The following CHIC2 variants were observed in gnomAD, a reference collection of about 807,000 sequenced individuals.
CHIC2 encodes cysteine-rich hydrophobic domain-containing protein 2.
CHIC2 carries 14 observed loss-of-function variants against 25.9 expected under a neutral mutation model. That is an observed-to-expected ratio of 0.54 (90% confidence interval 0.36 to 0.85). The LOEUF (loss-of-function observed/expected upper bound fraction) is 0.85. CHIC2 is among the 40% of genes least tolerant of loss of function. The pLI, the probability that CHIC2 is intolerant of heterozygous loss-of-function variation, is 0.01. For synonymous variants in CHIC2, 70 were observed against 72.0 expected (o/e 0.97, Z 0.14); for missense variants, 146 against 202.0 (o/e 0.72, Z 1.68).
chr4:54,086,037 T>A, the CHIC2 span, among the ~76,000 whole-genome samples: 3 of 152,086 alleles, frequency 2.0e-5, no homozygotes, highest in Non-Finnish European at 4.4e-5. Flanking sequence ...TGCAGTCCTG[T>A]ATACAGGTAA....
intron 3 of CHIC2, among the ~76,000 whole-genome samples, chr4:54,036,687 C>G (rs978181349): frequency 2.0e-5 from 3 of 152,034 alleles, no homozygotes; most frequent in African/African-American, 7.2e-5. Context: ...TGTAGCAGAA[C>G]AGAATCTATC....
intron 3 of CHIC2, among the ~76,000 whole-genome samples, chr4:54,030,069 T>TA (rs1425636213): frequency 6.6e-6 from 1 of 151,938 alleles, no homozygotes; most frequent in Non-Finnish European, 1.5e-5. Flanking sequence ...TAAAAAAAAA[T>TA]ACAGTGAACT....
chr4:54,019,416 T>C (rs1715832594), intron 3 of CHIC2, among the ~76,000 whole-genome samples: 2 of 152,152 alleles, frequency 1.3e-5, no homozygotes, highest in African/African-American at 2.4e-5. Context: ...TATTTTTAGA[T>C]AGAAATACGC....
chr4:54,064,588 G>A lies in CHIC2; in HGVS notation c.-288C>T. ...AGACGCCGCTGCCGCCGCCGCAGCA[G>A]CAGCAACTCAGGAAACCACAGCAAC... On this transcript the variant is annotated 5_prime_UTR_variant, in exon 1 of 6. Transcript: ENST00000263921. The surrounding 1 kb of genome is among the most constrained non-coding windows in gnomAD (Gnocchi z 4.2). The A allele has an allele frequency of 2.4e-6, 3 of 1,245,518 alleles. No individual in the cohort carries two copies. Among genetic ancestry groups the A allele is most frequent in the Non-Finnish European group, 3.0e-6 (3 of 992,526 alleles). The allele number at this position is 1,245,518 out of a possible 1,614,324, so 77.2% of individuals were successfully genotyped here. A position where few individuals can be genotyped will look rare whatever the true frequency, so the allele number is the denominator to read the frequency against.
the CHIC2 span, among the ~76,000 whole-genome samples, chr4:54,072,940 C>T: frequency 5.3e-5 from 8 of 152,046 alleles, no homozygotes; most frequent in Admixed American, 5.2e-4. Flanking sequence ...GGCATGGTGG[C>T]GGGCGCCTAT....
At chr4:54,014,203 A>G in intron 3 of CHIC2, 84 bp from the exon 4 acceptor site, 1 of 1,098,438 alleles carries the variant, frequency 9.1e-7, no homozygotes, top group Non-Finnish European at 1.4e-6. Context: ...TGAAAAGGGG[A>G]GAGGTATAAG....
At position 54,027,448 on chromosome 4, in the gene CHIC2, G is replaced by A. The variant is rs142797159; in HGVS notation, c.331-13329C>T. ...ATTGTCACTAGTGTTCATAATAATG[G>A]CAGTAATTTACATAAGAATCTGTTT... On this transcript the variant is annotated intron_variant, in intron 3 of 5. Coordinates refer to ENST00000263921, the MANE Select transcript of CHIC2 (RefSeq NM_012110.4). Among the ~76,000 whole-genome samples the A allele has an allele frequency of 4.7e-3, 708 of 152,208 alleles. 5 individuals carry two copies. Among genetic ancestry groups the A allele is most frequent in the African/African-American group, 0.016 (645 of 41,552 alleles).
the CHIC2 span, among the ~76,000 whole-genome samples, chr4:54,073,346 A>G: frequency 6.6e-6 from 1 of 152,224 alleles, no homozygotes. Context: ...GTTCCCTCCC[A>G]CACTGAATAG....
chr4:54,022,392 C>T (rs1176840647), intron 3 of CHIC2, among the ~76,000 whole-genome samples: 3 of 152,246 alleles, frequency 2.0e-5, no homozygotes, highest in Admixed American at 6.5e-5. Flanking sequence ...AGGCTACCCA[C>T]TCCACATTAC....
At chr4:54,023,544 C>A (rs1715967565) in intron 3 of CHIC2, among the ~76,000 whole-genome samples, 1 of 152,166 alleles carries the variant, frequency 6.6e-6, no homozygotes, top group Non-Finnish European at 1.5e-5. Context: ...ATGACTGTAT[C>A]TCTCTGATCC....
At chr4:54,063,274 T>G (rs1266242837) in intron 1 of CHIC2, among the ~76,000 whole-genome samples, 1 of 152,196 alleles carries the variant, frequency 6.6e-6, no homozygotes, top group Non-Finnish European at 1.5e-5. Flanking sequence ...GATCTATTAT[T>G]TGAACAAGAG....
intron 3 of CHIC2, among the ~76,000 whole-genome samples, chr4:54,029,546 C>T (rs1405121691): frequency 6.6e-6 from 1 of 152,150 alleles, no homozygotes; most frequent in African/African-American, 2.4e-5. Context: ...ATTCATCATT[C>T]CTTGTTCACT....
intron 1 of CHIC2, chr4:54,060,878 A>G (rs1324953323): frequency 6.6e-6 from 1 of 152,140 alleles, no homozygotes; most frequent in Admixed American, 6.5e-5. Flanking sequence ...GGTGACTGTA[A>G]GCCTTTTAGG....
At chr4:54,066,625 CTTT>C (rs533491447), upstream of CHIC2, among the ~76,000 whole-genome samples, 7 of 133,696 alleles carry the variant, frequency 5.2e-5, no homozygotes, top group Non-Finnish European at 8.2e-5. Flanking sequence ...TCCTGAATGT[CTTT>C]TTTTTTTTTT....
At chr4:54,055,062 T>C (rs577531259) in intron 1 of CHIC2, among the ~76,000 whole-genome samples, 4 of 152,168 alleles carry the variant, frequency 2.6e-5, no homozygotes, top group East Asian at 1.9e-4. Context: ...AGGATCACTA[T>C]AGCAGATGTA....
At chr4:54,090,418 C>T in the CHIC2 span, among the ~76,000 whole-genome samples, 1 of 152,152 alleles carries the variant, frequency 6.6e-6, no homozygotes, top group Admixed American at 6.5e-5. Context: ...CTTCTAGCCT[C>T]AAGTAATCTG....
At chr4:54,030,059 T>TA (rs968059399) in intron 3 of CHIC2, among the ~76,000 whole-genome samples, 4 of 150,502 alleles carry the variant, frequency 2.7e-5, no homozygotes, top group Non-Finnish European at 4.4e-5. Flanking sequence ...GAATCTCAAC[T>TA]AAAAAAAAAT....
intron 1 of CHIC2, among the ~76,000 whole-genome samples, chr4:54,055,108 A>G (rs943927611): frequency 4.6e-5 from 7 of 152,122 alleles, no homozygotes; most frequent in African/African-American, 1.7e-4. Flanking sequence ...GCAAAGGTGG[A>G]AAGGTGGAGA....
chr4:54,082,396 G>A, the CHIC2 span, among the ~76,000 whole-genome samples: 1 of 152,212 alleles, frequency 6.6e-6, no homozygotes, highest in Non-Finnish European at 1.5e-5. Context: ...TCTTTGGCAT[G>A]TTAAATGTCA....
Sources: allele counts gnomAD v4.1 joint callset (sites outside exome capture counted in the v4.1 genomes callset), GRCh38; gene constraint gnomAD v4.1.1; non-coding constraint Gnocchi (gnomAD v3.1); transcripts MANE v1.5; gene names NCBI Gene and HGNC (gene_info 2026-07-23, HGNC 2026-07-21).